The following CDH18 variants were observed in gnomAD, a reference collection of about 807,000 sequenced individuals.
CDH18 encodes the protein cadherin 18.
In CDH18, 31 loss-of-function variants were observed where a neutral mutation model predicts 67.9. The observed-to-expected ratio is 0.46, with a 90% confidence interval of 0.34 to 0.62. The LOEUF (loss-of-function observed/expected upper bound fraction) is 0.62. Among genes scored for constraint, CDH18 ranks in the 20% least tolerant of loss-of-function variants. CDH18 has a pLI of 0.01. For synonymous variants in CDH18, 362 were observed against 347.2 expected, an observed-to-expected ratio of 1.04 and a Z score of -0.48; for missense variants, 890 against 975.5, an observed-to-expected ratio of 0.91 and a Z score of 1.17.
intron 1 of CDH18, among the ~76,000 whole-genome samples, chr5:20,414,708 A>T (rs1358698540): frequency 1.3e-5 from 2 of 152,238 alleles, no homozygotes; most frequent in African/African-American, 2.4e-5. Flanking sequence ...GCCAACAGGT[A>T]TGTGAAAAGG....
At chr5:20,516,173 A>AT (rs545767529) in intron 1 of CDH18, among the ~76,000 whole-genome samples, 32 of 151,846 alleles carry the variant, frequency 2.1e-4, no homozygotes, top group Non-Finnish European at 3.2e-4. Context: ...TATAATTTGG[A>AT]TTTTTTTTCC....
At chr5:20,363,514 G>C (rs1159980356) in intron 1 of CDH18, among the ~76,000 whole-genome samples, 1 of 146,108 alleles carries the variant, frequency 6.8e-6, no homozygotes, top group Non-Finnish European at 1.5e-5. Flanking sequence ...ATGTGTCTCT[G>C]TTACGTCCCA....
intron 1 of CDH18, among the ~76,000 whole-genome samples, chr5:20,396,554 GTAAT>G (rs892342502): frequency 2.6e-5 from 4 of 151,894 alleles, no homozygotes; most frequent in African/African-American, 7.3e-5. Flanking sequence ...ATCTATAAAT[GTAAT>G]TAATTAATAT....
intron 1 of CDH18, among the ~76,000 whole-genome samples, chr5:20,419,305 A>G (rs1204606544): frequency 6.6e-6 from 1 of 151,860 alleles, no homozygotes; most frequent in African/African-American, 2.4e-5. Context: ...TTGAGTATGT[A>G]TTTATTAGCA....
At chr5:20,086,690 G>A (rs2150552400) in intron 2 of CDH18, among the ~76,000 whole-genome samples, 1 of 152,306 alleles carries the variant, frequency 6.6e-6, no homozygotes, top group East Asian at 1.9e-4. Context: ...GAGCTGGGAT[G>A]ACAGCAGGTC....
intron 2 of CDH18, among the ~76,000 whole-genome samples, chr5:20,177,966 A>G (rs1353533684): frequency 1.3e-5 from 2 of 152,048 alleles, no homozygotes; most frequent in East Asian, 3.9e-4. Context: ...TTGTAAATTG[A>G]CCAGTCTTCG....
chr5:19,838,777 A>T lies in CDH18; in HGVS notation c.210T>A (p.Asp70Glu). The part of the protein sequence containing the change: ...FFVLEEHMGP[D>E]PQYVGKLHSN... The stretch of plus-strand genomic sequence containing the variant: ...ATCTTACCTTTCCAACATACTGAGG[A>T]TCTGGTCCCATATGTTCTTCTAAAA... The change falls in exon 3 of 13, where the codon GAT (aspartate) becomes GAA (glutamate). Residue 70 changes from aspartate to glutamate, a missense_variant. Asp to Glu is a conservative substitution (Grantham distance 45). Coordinates refer to ENST00000382275, the MANE Select transcript of CDH18 (RefSeq NM_004934.5). 1 of 1,611,290 alleles carries T rather than the reference A, an allele frequency of 6.2e-7. No homozygotes were observed. Among genetic ancestry groups the T allele is most frequent in the Non-Finnish European group, 8.5e-7 (1 of 1,177,486 alleles).
chr5:20,227,941 A>G (rs966603974), intron 2 of CDH18, among the ~76,000 whole-genome samples: 4 of 152,042 alleles, frequency 2.6e-5, no homozygotes, highest in African/African-American at 9.7e-5. Context: ...TCCTCAACCT[A>G]TTACAGTATG....
chr5:19,923,832 G>A (rs943946786), intron 2 of CDH18, among the ~76,000 whole-genome samples: 1 of 152,172 alleles, frequency 6.6e-6, no homozygotes, highest in Non-Finnish European at 1.5e-5. Context: ...AAGATAGCTT[G>A]TGGAAGATTC....
At position 19,690,971 on chromosome 5, in the gene CDH18, C is replaced by A. The variant is rs574588419; in HGVS notation, c.643+30376G>T. 1.2e-4 allele frequency among the ~76,000 whole-genome samples: 18 copies of A among 151,866 alleles called. No individual in the cohort carries two copies. In the East Asian group the frequency reaches 2.1e-3, roughly 18 times the overall value. ...TCAAAACTAGAAAATGACACAATAA[C>A]AACAAAAGCTACAGGTTAATATCCC... On this transcript the variant is annotated intron_variant, in intron 5 of 12. Coordinates refer to ENST00000382275, the MANE Select transcript of CDH18 (RefSeq NM_004934.5).
chr5:20,062,381 T>A (rs7716453), intron 2 of CDH18, among the ~76,000 whole-genome samples: 118,300 of 151,674 alleles, frequency 0.78, 49,080 homozygotes, highest in Non-Finnish European at 0.91. Context: ...CTTGAACATC[T>A]GACCTCAAGT....
In CDH18 at chr5:20,129,214, GA is replaced by G. The variant is rs111589992; in HGVS notation, c.-518+126229del. Among the ~76,000 whole-genome samples the G allele has an allele frequency of 2.3e-3, 344 of 151,160 alleles. 1 individual carries two copies. The highest frequency in any genetic ancestry group is 7.8e-3 in the African/African-American group (320 of 41,248). Reference sequence around the variant, plus strand: ...CTAGCTATAGTTTCAAGAAAAATAAGAAAAAAAATATAGACCCAATATAAAT... The same window carrying G: ...CTAGCTATAGTTTCAAGAAAAATAAGAAAAAAATATAGACCCAATATAAAT... On this transcript the variant is annotated intron_variant, in intron 2 of 14. Coordinates refer to the CDH18 transcript ENST00000507958.
At chr5:20,093,982 G>A (rs1038200000) in intron 2 of CDH18, among the ~76,000 whole-genome samples, 1 of 152,036 alleles carries the variant, frequency 6.6e-6, no homozygotes, top group African/African-American at 2.4e-5. Flanking sequence ...AGCCTAAGGA[G>A]GTAAGAAGAA....
intron 5 of CDH18, among the ~76,000 whole-genome samples, chr5:19,631,385 A>G (rs886426227): frequency 6.6e-6 from 1 of 151,956 alleles, no homozygotes; most frequent in East Asian, 1.9e-4. Flanking sequence ...CGATTTGTCA[A>G]TTTTTTCTTT....
intron 5 of CDH18, among the ~76,000 whole-genome samples, chr5:19,630,828 C>T (rs564439463): frequency 2.6e-5 from 4 of 152,064 alleles, no homozygotes; most frequent in African/African-American, 9.6e-5. Flanking sequence ...TATTAGAAAA[C>T]AGGGGAAGAA....
chr5:19,561,280 G>A (rs1024085067), intron 8 of CDH18, among the ~76,000 whole-genome samples: 1 of 151,896 alleles, frequency 6.6e-6, no homozygotes, highest in African/African-American at 2.4e-5. Context: ...CGTCAATGTA[G>A]GGATAAAGAA....
intron 2 of CDH18, among the ~76,000 whole-genome samples, chr5:20,014,799 T>G (rs1361329777): frequency 1.3e-5 from 2 of 152,100 alleles, no homozygotes; most frequent in Non-Finnish European, 1.5e-5. Context: ...CTGAAGCATA[T>G]AAGCATTAAA....
intron 2 of CDH18, among the ~76,000 whole-genome samples, chr5:20,080,451 A>T (rs1162499945): frequency 6.6e-6 from 1 of 152,208 alleles, no homozygotes; most frequent in East Asian, 1.9e-4. Flanking sequence ...GCATGGCTAG[A>T]GTACCAACAT....
intron 12 of CDH18, among the ~76,000 whole-genome samples, chr5:19,480,613 G>A (rs190366705): frequency 2.2e-3 from 342 of 152,130 alleles, no homozygotes; most frequent in African/African-American, 7.9e-3. Context: ...CCCTGACCTC[G>A]TGATGCGCCC....
Sources: gnomAD v4.1 joint callset for allele counts (sites outside exome capture counted in the v4.1 genomes callset) on GRCh38, gnomAD v4.1.1 for gene constraint, MANE v1.5 for transcripts, NCBI Gene and HGNC (gene_info 2026-07-23, HGNC 2026-07-21) for gene names.